The following NAP1L4 variants were observed in gnomAD, a reference collection of about 807,000 sequenced individuals.
NAP1L4 encodes the protein nucleosome assembly protein 1-like 4.
Under a neutral mutation model 58.2 loss-of-function variants are expected in NAP1L4, and 15 were observed. The observed-to-expected ratio is 0.26, with a 90% CI of 0.17 to 0.40. The LOEUF (loss-of-function observed/expected upper bound fraction) is 0.40. Among genes scored for constraint, NAP1L4 ranks in the 10% least tolerant of loss-of-function variants. The pLI is 1.00. For synonymous variants in NAP1L4, 171 were observed against 155.6 expected, an observed-to-expected ratio of 1.10 and a Z score of -0.74; for missense variants, 384 against 451.1, an observed-to-expected ratio of 0.85 and a Z score of 1.35.
Position 2,951,017 on chromosome 11 carries a change from CTA to C in NAP1L4, c.1122+240_1122+241del. 4.5e-6 allele frequency: 2 copies of C among 448,820 alleles called. No individual in the cohort carries two copies. The highest frequency in any genetic ancestry group is 5.0e-5 in the South Asian group (1 of 19,952). The allele number at this position is 448,820 out of a possible 1,614,324, so 27.8% of individuals were successfully genotyped here. A position where few individuals can be genotyped will look rare whatever the true frequency, so the allele number is the denominator to read the frequency against. On this transcript the variant is annotated intron_variant, in intron 14 of 15. Coordinates refer to ENST00000380542, the MANE Select transcript of NAP1L4 (RefSeq NM_005969.4). This position sits in a 1 kb window ranked among gnomAD's most constrained non-coding sequence, Gnocchi z 4.0. ...AAGTCAAGTTGCTCTACTGAGGAGT[CTA>C]TGTAAATAAGACACAGCTTGAGACA...
intron 15 of NAP1L4, among the ~76,000 whole-genome samples, chr11:2,947,946 C>T (rs946736461): frequency 5.9e-5 from 9 of 152,218 alleles, no homozygotes; most frequent in Non-Finnish European, 8.8e-5. Flanking sequence ...GGACACTCCT[C>T]GGGGGTTGCT....
intron 1 of NAP1L4, among the ~76,000 whole-genome samples, chr11:2,988,711 T>A (rs1848791652): frequency 6.6e-6 from 1 of 152,258 alleles, no homozygotes; most frequent in Non-Finnish European, 1.5e-5. Context: ...CAGCGCATTT[T>A]TAAAAGTCCC....
chr11:2,982,787 C>T lies in NAP1L4; in HGVS notation c.-17-3550G>A, dbSNP rs187279031. On this transcript the variant is annotated intron_variant, in intron 1 of 15. Coordinates refer to ENST00000380542, the MANE Select transcript of NAP1L4 (RefSeq NM_005969.4). Reference sequence around the variant, plus strand: ...CCTGTAATCCCAGCACTTTGGGAGGCCAAGGCGGGCAGATCACGACGTGAG... The same window carrying T: ...CCTGTAATCCCAGCACTTTGGGAGGTCAAGGCGGGCAGATCACGACGTGAG... 3.0e-4 allele frequency among the ~76,000 whole-genome samples: 45 copies of T among 152,240 alleles called. No individual in the cohort carries two copies. The East Asian group carries it at 8.5e-3, about 29-fold the overall frequency.
intron 4 of NAP1L4, among the ~76,000 whole-genome samples, chr11:2,973,090 T>C (rs991192632): frequency 3.3e-5 from 5 of 152,236 alleles, no homozygotes; most frequent in African/African-American, 9.6e-5. Flanking sequence ...ATATGGCCTA[T>C]TCATAATCAC....
intron 8 of NAP1L4, among the ~76,000 whole-genome samples, chr11:2,963,335 G>A (rs1847060510): frequency 6.6e-6 from 1 of 152,150 alleles, no homozygotes; most frequent in Admixed American, 6.5e-5. Flanking sequence ...TGCCCAGGCG[G>A]CTCCTGGGGG....
Position 2,949,020 on chromosome 11 carries a change from A to G in NAP1L4, c.*32+207T>C, listed in dbSNP as rs1441199897. Among the ~76,000 whole-genome samples, 3 of 152,228 alleles carry G rather than the reference A, an allele frequency of 2.0e-5. No individual in the cohort carries two copies. Among genetic ancestry groups the G allele is most frequent in the Non-Finnish European group, 4.4e-5 (3 of 68,050 alleles). On this transcript the variant is annotated intron_variant, in intron 15 of 15. Transcript: ENST00000380542. The surrounding 1 kb of genome is among the most constrained non-coding windows in gnomAD (Gnocchi z 4.0). ...TTACATCTTTGCTACTTGGTTAGCA[A>G]GAAACACTGGGCTCAGAAAGCAGGG...
Position 2,951,233 on chromosome 11 carries a change from G to C in NAP1L4, c.1122+26C>G, listed in dbSNP as rs1428357756. On this transcript the variant is annotated intron_variant, in intron 14 of 15. Transcript: ENST00000380542. The surrounding 1 kb of genome is among the most constrained non-coding windows in gnomAD (Gnocchi z 4.0). The stretch of plus-strand genomic sequence containing the variant: ...TCTAAGAGTGCAGCATAATAAGTAG[G>C]TCTGGGTGGCCCCAAAGTTACCAAC... The C allele has an allele frequency of 1.9e-6, 3 of 1,604,158 alleles. No individual in the cohort carries two copies. The highest frequency in any genetic ancestry group is 2.6e-6 in the Non-Finnish European group (3 of 1,171,252).
intron 1 of NAP1L4, 36 bp from the exon 2 acceptor site, chr11:2,979,273 T>C (rs1225841492): frequency 6.5e-7 from 1 of 1,541,028 alleles, no homozygotes; most frequent in African/African-American, 1.4e-5. Flanking sequence ...ATTATATTCA[T>C]AAGCAAAAAT....
chr11:2,978,380 GA>G, intron 2 of NAP1L4, 38 bp from the exon 3 acceptor site: 3 of 1,585,362 alleles, frequency 1.9e-6, no homozygotes, highest in Non-Finnish European at 2.6e-6. Flanking sequence ...TTACTGTAAA[GA>G]AAGTTCCAAA....
intron 7 of NAP1L4, among the ~76,000 whole-genome samples, chr11:2,965,978 T>G (rs766052363): frequency 1.3e-5 from 2 of 152,168 alleles, no homozygotes; most frequent in Non-Finnish European, 2.9e-5. Context: ...TAAACTCATT[T>G]TGCCAATACC....
rs1453663577 is a variant in NAP1L4, at chr11:2,949,818, G to C, written c.1123-554C>G. Among the ~76,000 whole-genome samples the C allele has an allele frequency of 6.6e-6, 1 of 152,226 alleles. No individual in the cohort carries two copies. The highest frequency in any genetic ancestry group is 1.5e-5 in the Non-Finnish European group (1 of 68,038). On this transcript the variant is annotated intron_variant, in intron 14 of 15. Transcript: ENST00000380542. This position sits in a 1 kb window ranked among gnomAD's most constrained non-coding sequence, Gnocchi z 4.0. ...GAGAAAGCAGAACAAACAACAGAGG[G>C]GAGGAAAAGAGAAGCTGAGGCACAG...
rs577120719 is a variant in NAP1L4 at position 2,944,866 on chromosome 11, C to G, written c.*813G>C. ...GGGAGCGGCGTTTCTTCCGCACAGGCCTTGCGCCTGCTAGGAAGTGGCACA... is the reference window on the plus strand; with the variant it reads ...GGGAGCGGCGTTTCTTCCGCACAGGGCTTGCGCCTGCTAGGAAGTGGCACA... On this transcript the variant is annotated 3_prime_UTR_variant, in exon 16 of 16. Coordinates refer to ENST00000380542, the MANE Select transcript of NAP1L4 (RefSeq NM_005969.4). The G allele has an allele frequency of 7.2e-5, 11 of 152,266 alleles. No individual in the cohort carries two copies. The highest frequency in any genetic ancestry group is 1.0e-4 in the Non-Finnish European group (7 of 68,046). 9.4% of individuals were successfully genotyped at this position (152,266 alleles called of 1,614,324 possible). A position where few individuals can be genotyped will look rare whatever the true frequency, so the allele number is the denominator to read the frequency against.
chr11:2,979,716 G>A (rs905012221), intron 1 of NAP1L4, among the ~76,000 whole-genome samples: 5 of 151,880 alleles, frequency 3.3e-5, no homozygotes, highest in Admixed American at 6.6e-5. Flanking sequence ...AGGTTGCAGC[G>A]AGCGGAGATC....
At chr11:2,968,766 A>T (rs1260078087) in intron 7 of NAP1L4, among the ~76,000 whole-genome samples, 1 of 152,336 alleles carries the variant, frequency 6.6e-6, no homozygotes, top group Non-Finnish European at 1.5e-5. Flanking sequence ...CTGAATGCAG[A>T]CGTGCTGTTT....
chr11:2,950,283 A>G (rs1432343135), intron 14 of NAP1L4, among the ~76,000 whole-genome samples: 1 of 151,480 alleles, frequency 6.6e-6, no homozygotes, highest in East Asian at 1.9e-4. Context: ...AGTAGTCTTT[A>G]TAAGACACAT....
chr11:2,954,764 T>C lies in NAP1L4; in HGVS notation c.916-118A>G, dbSNP rs1846433596. 1 of 1,302,600 alleles carries C rather than the reference T, an allele frequency of 7.7e-7. No individual in the cohort carries two copies. The highest frequency in any genetic ancestry group is 1.5e-5 in the African/African-American group (1 of 68,388). 80.7% of individuals were successfully genotyped at this position (1,302,600 alleles called of 1,614,324 possible). On this transcript the variant is annotated intron_variant, in intron 11 of 15. Coordinates refer to ENST00000380542, the MANE Select transcript of NAP1L4 (RefSeq NM_005969.4). This position sits in a 1 kb window ranked among gnomAD's most constrained non-coding sequence, Gnocchi z 4.8. ...ATTTACTTAACTTAAAACACCAAAC[T>C]CCTGCACTGCTGGGGGACAGCCACT...
At chr11:2,981,335 A>C (rs2134004918) in intron 1 of NAP1L4, among the ~76,000 whole-genome samples, 1 of 144,180 alleles carries the variant, frequency 6.9e-6, no homozygotes, top group East Asian at 2.3e-4. Context: ...ACTCGAGCCC[A>C]GGAGTTGGAG....
At chr11:2,947,517 T>G (rs11024707) in intron 15 of NAP1L4, among the ~76,000 whole-genome samples, 4,822 of 152,214 alleles carry the variant, frequency 0.032, 124 homozygotes, top group Middle Eastern at 0.075. Context: ...GCTTTGGTGC[T>G]CACACAGCAC....
chr11:2,948,645 A>G lies in NAP1L4; in HGVS notation c.*32+582T>C, dbSNP rs1171296078. On this transcript the variant is annotated intron_variant, in intron 15 of 15. Coordinates refer to ENST00000380542, the MANE Select transcript of NAP1L4 (RefSeq NM_005969.4). This position sits in a 1 kb window ranked among gnomAD's most constrained non-coding sequence, Gnocchi z 5.1. ...TTCTTGCTTCATTCAACTAGCACCA[A>G]CCTCACAACAGTACTTTTTACTGCT... 1.3e-5 allele frequency among the ~76,000 whole-genome samples: 2 copies of G among 152,182 alleles called. No individual in the cohort carries two copies. The highest frequency in any genetic ancestry group is 1.5e-5 in the Non-Finnish European group (1 of 68,026).
Sources: gnomAD v4.1 joint callset for allele counts (sites outside exome capture counted in the v4.1 genomes callset) on GRCh38, gnomAD v4.1.1 for gene constraint, Gnocchi (gnomAD v3.1) non-coding constraint, MANE v1.5 for transcripts, NCBI Gene and HGNC (gene_info 2026-07-23, HGNC 2026-07-21) for gene names.